Variants in FANCL observed in about 807,000 individuals in gnomAD.
FANCL encodes the protein E3 ubiquitin-protein ligase FANCL.
FANCL carries 69 observed loss-of-function variants against 59.4 expected under a neutral mutation model. That is an observed-to-expected ratio of 1.16 (90% CI 0.96 to 1.42). The LOEUF is 1.42. FANCL is among the 40% of genes most tolerant of loss of function. The pLI, the probability that FANCL is intolerant of heterozygous loss-of-function variation, is 0.00. For missense variants in FANCL, 519 were observed against 447.2 expected (o/e 1.16, Z -1.45); for synonymous variants, 180 against 147.1 (o/e 1.22, Z -1.62).
intron 5 of FANCL, among the ~76,000 whole-genome samples, chr2:58,205,307 T>C (rs1007111657): frequency 1.3e-5 from 2 of 152,188 alleles, no homozygotes; most frequent in South Asian, 2.1e-4. Flanking sequence ...CTATCTTCAA[T>C]AATACAATGG....
At chr2:58,216,302 G>A (rs1691714677) in intron 5 of FANCL, among the ~76,000 whole-genome samples, 1 of 152,194 alleles carries the variant, frequency 6.6e-6, no homozygotes, top group Non-Finnish European at 1.5e-5. Context: ...TTCCCAGGAA[G>A]AGAAAAGCTA....
chr2:58,192,808 C>A (rs1267811607), intron 7 of FANCL, among the ~76,000 whole-genome samples: 1 of 151,532 alleles, frequency 6.6e-6, no homozygotes, highest in African/African-American at 2.4e-5. Context: ...AGTGTTTGCC[C>A]CTGGAGAAAC....
intron 5 of FANCL, among the ~76,000 whole-genome samples, chr2:58,217,464 G>C (rs112032953): frequency 4.6e-5 from 7 of 151,026 alleles, no homozygotes; most frequent in African/African-American, 1.7e-4. Flanking sequence ...AAAAGAGGAA[G>C]AATTTCAATA....
intron 8 of FANCL, 27 bp from the exon 9 acceptor site, chr2:58,163,544 T>C (rs12624152): frequency 5.6e-6 from 8 of 1,425,410 alleles, no homozygotes; most frequent in Admixed American, 1.7e-5. Context: ...TTAAATCTTT[T>C]AGAAGTAGAA....
chr2:58,192,348 T>A (rs891318763), intron 7 of FANCL, among the ~76,000 whole-genome samples: 3 of 151,940 alleles, frequency 2.0e-5, no homozygotes, highest in Non-Finnish European at 2.9e-5. Context: ...CATATATCCA[T>A]CCCACTGCCC....
At chr2:58,231,468 T>C (rs1196655186) in intron 2 of FANCL, among the ~76,000 whole-genome samples, 2 of 152,160 alleles carry the variant, frequency 1.3e-5, no homozygotes, top group Non-Finnish European at 2.9e-5. Flanking sequence ...CCTCTATTCC[T>C]TTTTCCCTCT....
intron 7 of FANCL, among the ~76,000 whole-genome samples, chr2:58,181,936 A>G (rs938773549): frequency 1.3e-5 from 2 of 151,686 alleles, no homozygotes; most frequent in Admixed American, 6.6e-5. Flanking sequence ...TTTAAAATAA[A>G]TCTTCAAATC....
At chr2:58,229,619 G>C (rs1412540511) in intron 3 of FANCL, among the ~76,000 whole-genome samples, 195 bp downstream of exon 3, 1 of 152,112 alleles carries the variant, frequency 6.6e-6, no homozygotes, top group South Asian at 2.1e-4. Context: ...GATGGAAATC[G>C]ATTTCAACAC....
intron 5 of FANCL, among the ~76,000 whole-genome samples, chr2:58,218,824 A>G (rs1692113216): frequency 6.6e-6 from 1 of 151,980 alleles, no homozygotes; most frequent in Admixed American, 6.6e-5. Flanking sequence ...ACAAAACTAC[A>G]TATGGTAATG....
chr2:58,241,279 C>G lies in FANCL; in HGVS notation c.35G>C (p.Cys12Ser). The change falls in exon 1 of 14, where the codon TGC becomes TCC. Residue 12 changes from cysteine to serine, a missense_variant. Cys to Ser is a moderately radical substitution (Grantham distance 112, BLOSUM62 -1). Transcript: ENST00000233741. Reference sequence around the variant, plus strand: ...CCGGTTCTGGGGCAGAAGCAGGGGGCACTGGCGCAACAGGCTCGCTTCCGT... The same window carrying G: ...CCGGTTCTGGGGCAGAAGCAGGGGGGACTGGCGCAACAGGCTCGCTTCCGT... ...AVTEASLLRQ[C>S]PLLLPQNRSK... 1.9e-6 allele frequency: 3 copies of G among 1,614,258 alleles called. No individual in the cohort carries two copies. Among genetic ancestry groups the G allele is most frequent in the Non-Finnish European group, 1.7e-6 (2 of 1,180,046 alleles).
intron 7 of FANCL, among the ~76,000 whole-genome samples, chr2:58,189,858 C>T (rs1368764946): frequency 6.6e-6 from 1 of 151,970 alleles, no homozygotes; most frequent in East Asian, 1.9e-4. Flanking sequence ...GTACTTGCAA[C>T]AGTTGTTTTC....
At chr2:58,230,452 A>G (rs1250398196) in intron 2 of FANCL, among the ~76,000 whole-genome samples, 2 of 152,096 alleles carry the variant, frequency 1.3e-5, no homozygotes, top group African/African-American at 2.4e-5. Flanking sequence ...ACAGACACCC[A>G]CCACCAAGCC....
chr2:58,199,168 C>G (rs891904816), intron 6 of FANCL, among the ~76,000 whole-genome samples: 9 of 152,186 alleles, frequency 5.9e-5, no homozygotes, highest in East Asian at 3.9e-4. Flanking sequence ...TATGGAGGTG[C>G]AAGTTTGGTG....
intron 1 of FANCL, among the ~76,000 whole-genome samples, chr2:58,233,094 T>C (rs1455657138): frequency 6.6e-6 from 1 of 152,094 alleles, no homozygotes; most frequent in Admixed American, 6.5e-5. Flanking sequence ...AATGTACTAC[T>C]GACCTTTTCA....
rs866675905 is a variant in FANCL at position 58,159,600 on chromosome 2, T to C, written c.*165A>G. ...TTTGGCCTACAATTTCCCAGTTTAC[T>C]CTTAGTGAAGAGACAAACGCAGATG... On this transcript the variant is annotated 3_prime_UTR_variant, in exon 14 of 14. Coordinates refer to ENST00000233741, the MANE Select transcript of FANCL (RefSeq NM_018062.4). 5 of 1,613,782 alleles carry C rather than the reference T, an allele frequency of 3.1e-6. No homozygotes were observed. The highest frequency in any genetic ancestry group is 1.6e-4 in the Middle Eastern group (1 of 6,082).
intron 7 of FANCL, among the ~76,000 whole-genome samples, chr2:58,170,124 G>C (rs922248162): frequency 3.3e-5 from 5 of 152,122 alleles, no homozygotes; most frequent in African/African-American, 7.2e-5. Context: ...AAATGTTAAG[G>C]GCAGCCAGAG....
intron 7 of FANCL, among the ~76,000 whole-genome samples, chr2:58,169,424 T>C (rs1686304767): frequency 2.0e-5 from 3 of 152,088 alleles, no homozygotes; most frequent in Admixed American, 2.0e-4. Context: ...AGACCAAACG[T>C]AGATAAATCC....
At position 58,162,677 on chromosome 2, in the gene FANCL, C is replaced by A. The variant is rs75902380; in HGVS notation, c.903+189G>T. Among the ~76,000 whole-genome samples, 7,475 of 151,860 alleles carry A rather than the reference C, an allele frequency of 0.049. 610 individuals are homozygous for A. Among genetic ancestry groups the A allele is most frequent in the African/African-American group, 0.17 (6,973 of 41,464 alleles). On this transcript the variant is annotated intron_variant, in intron 11 of 13. Transcript: ENST00000233741. The stretch of plus-strand genomic sequence containing the variant: ...CCATGGGCAGCCCTGAAATCAATCC[C>A]CCTGTTCCAAGAGACAGTTGTACTT...
chr2:58,204,741 A>G (rs551750540), intron 5 of FANCL, among the ~76,000 whole-genome samples: 42 of 152,096 alleles, frequency 2.8e-4, no homozygotes, highest in Non-Finnish European at 5.0e-4. Flanking sequence ...AATGCTGTAT[A>G]AGCACAGGTA....
Sources: gnomAD v4.1 joint callset for allele counts (sites outside exome capture counted in the v4.1 genomes callset) on GRCh38, gnomAD v4.1.1 for gene constraint, MANE v1.5 for transcripts, NCBI Gene and HGNC (gene_info 2026-07-23, HGNC 2026-07-21) for gene names.